SLC9C1: variants seen among roughly 807,000 people sequenced by gnomAD.
SLC9C1 encodes the protein solute carrier family 9 member C1, also known as sodium/hydrogen exchanger 10.
In SLC9C1, 97 loss-of-function variants were observed where a neutral mutation model predicts 140.9. That is an observed-to-expected ratio of 0.69 (90% CI 0.58 to 0.82). SLC9C1 has a LOEUF of 0.82. Ranked by LOEUF, SLC9C1 falls within the 40% of genes least tolerant of loss-of-function variation. The probability of loss-of-function intolerance (pLI) is 0.00; values close to 1 mark genes in which losing one functional copy is unlikely to be tolerated. For missense variants in SLC9C1, 1,340 were observed against 1,389.3 expected (o/e 0.96, Z 0.56); for synonymous variants, 440 against 442.6 (o/e 0.99, Z 0.07).
intron 20 of SLC9C1, among the ~76,000 whole-genome samples, chr3:112,186,825 A>G (rs2077549820): frequency 6.6e-6 from 1 of 152,212 alleles, no homozygotes. Context: ...AATAGTGACA[A>G]AGGCTCCAGC....
At chr3:112,196,291 G>A (rs1332639740) in intron 20 of SLC9C1, among the ~76,000 whole-genome samples, 4 of 151,762 alleles carry the variant, frequency 2.6e-5, no homozygotes, top group Admixed American at 1.3e-4. Context: ...TGTGTGTGAT[G>A]GATTGCTTCT....
chr3:112,290,719 A>G (rs778858337), intron 1 of SLC9C1, among the ~76,000 whole-genome samples: 18 of 151,976 alleles, frequency 1.2e-4, no homozygotes, highest in Non-Finnish European at 2.4e-4. Context: ...AACTTGCTTT[A>G]TGAATCTGGG....
chr3:112,194,096 T>C (rs939773391), intron 20 of SLC9C1, among the ~76,000 whole-genome samples: 1 of 151,912 alleles, frequency 6.6e-6, no homozygotes, highest in Non-Finnish European at 1.5e-5. Context: ...AGTAGATGGG[T>C]AGGGAGTGGG....
chr3:112,252,065 G>A (rs2079475425), intron 10 of SLC9C1, among the ~76,000 whole-genome samples: 3 of 152,094 alleles, frequency 2.0e-5, no homozygotes, highest in African/African-American at 2.4e-5. Context: ...GGGCTCTCCA[G>A]TCACCCTAGC....
At chr3:112,223,370 T>C (rs932000595) in intron 13 of SLC9C1, among the ~76,000 whole-genome samples, 1 of 152,096 alleles carries the variant, frequency 6.6e-6, no homozygotes, top group Non-Finnish European at 1.5e-5. Context: ...ATTCCAGCCA[T>C]GGGTACAAGG....
At chr3:112,208,153 CAT>C (rs753583770) in intron 16 of SLC9C1, 23 bp downstream of exon 16, 1 of 1,544,870 alleles carries the variant, frequency 6.5e-7, no homozygotes, top group Admixed American at 2.0e-5. Context: ...ATAACACTTC[CAT>C]ACACACATAA....
At chr3:112,212,125 A>G (rs1269268370) in intron 15 of SLC9C1, among the ~76,000 whole-genome samples, 1 of 152,216 alleles carries the variant, frequency 6.6e-6, no homozygotes, top group Non-Finnish European at 1.5e-5. Context: ...GCAAACTCCA[A>G]CAGACCTGCA....
chr3:112,229,127 C>G (rs907136958), intron 13 of SLC9C1, among the ~76,000 whole-genome samples: 2 of 151,962 alleles, frequency 1.3e-5, no homozygotes, highest in African/African-American at 4.8e-5. Flanking sequence ...TAAAAGTTGA[C>G]CTCATAGAAG....
In SLC9C1 at chr3:112,149,479, C is replaced by T. The variant is rs150976955; in HGVS notation, c.3524+2378G>A. 4.8e-3 allele frequency among the ~76,000 whole-genome samples: 726 copies of T among 152,122 alleles called. 5 individuals are homozygous for T. The highest frequency in any genetic ancestry group is 0.017 in the African/African-American group (689 of 41,476). ...TGGAGTAGAGAGAGCCCTGCTATAC[C>T]ATGATCTATGTGCAGAAAGGATGGG... On this transcript the variant is annotated intron_variant, in intron 28 of 28. Transcript: ENST00000305815.
rs936315117 is a variant in SLC9C1, at chr3:112,216,753, T to G, written c.1790+689A>C. ...GAAATAGGAACACATTTACACTGTT[T>G]GTGGGGCTGTAACCGAGTTCAACCA... On this transcript the variant is annotated intron_variant, in intron 15 of 28. Transcript: ENST00000305815. Among the ~76,000 whole-genome samples the G allele has an allele frequency of 3.0e-3, 459 of 152,276 alleles. 4 individuals are homozygous for G. The highest frequency in any genetic ancestry group is 0.011 in the African/African-American group (439 of 41,552).
At chr3:112,272,908 C>T (rs2080114935) in intron 6 of SLC9C1, among the ~76,000 whole-genome samples, 1 of 152,160 alleles carries the variant, frequency 6.6e-6, no homozygotes, top group African/African-American at 2.4e-5. Flanking sequence ...TGAACTTCCA[C>T]ATCAGAACCT....
In SLC9C1 at chr3:112,217,506, A is replaced by G; in HGVS notation, c.1726T>C (p.Phe576Leu). ...NYSESQKTVTFARKLLLNWVY... is the reference protein window; with the variant it reads ...NYSESQKTVTLARKLLLNWVY... ...CAATTAAGTAGTAGTTTTCTAGCAA[A>G]GGTAACTGTTTTTTGGCTTTCAGAA... is the stretch of plus-strand genomic sequence containing the variant. Residue 576 changes from phenylalanine (F) to leucine (L), a missense_variant, in exon 15 of 29, where the codon TTT (phenylalanine) becomes CTT (leucine). Transcript: ENST00000305815. The G allele has an allele frequency of 1.2e-6, 2 of 1,610,564 alleles. No individual in the cohort carries two copies. Among genetic ancestry groups the G allele is most frequent in the Non-Finnish European group, 1.7e-6 (2 of 1,178,850 alleles).
chr3:112,196,296 G>A (rs1039182718), intron 20 of SLC9C1, among the ~76,000 whole-genome samples: 1 of 151,828 alleles, frequency 6.6e-6, no homozygotes, highest in African/African-American at 2.4e-5. Flanking sequence ...GTGATGGATT[G>A]CTTCTCTCTT....
rs1480408920 is a variant in SLC9C1 at position 112,278,808 on chromosome 3, A to C, written c.239T>G (p.Phe80Cys). 3.7e-6 allele frequency: 6 copies of C among 1,611,418 alleles called. No homozygotes were observed. The African/African-American group carries it at 5.3e-5, about 14-fold the overall frequency. The change falls in exon 4 of 29, where the codon TTT (phenylalanine) becomes TGT (cysteine). Residue 80 changes from phenylalanine (F) to cysteine (C), a missense_variant. Physicochemically the swap from Phe to Cys is radical, Grantham distance 205 (BLOSUM62 -2). Transcript: ENST00000305815. ...GAAAACTACTGGTGTAAATATACGAAAAAATAAGTCTGGACTCATCCATTG... is the reference window on the plus strand; with the variant it reads ...GAAAACTACTGGTGTAAATATACGACAAAATAAGTCTGGACTCATCCATTG... The part of the protein sequence containing the change: ...AIQWMSPDLF[F>C]RIFTPVVFFT...
intron 26 of SLC9C1, among the ~76,000 whole-genome samples, chr3:112,157,472 T>G (rs2075158753): frequency 6.6e-6 from 1 of 152,146 alleles, no homozygotes; most frequent in Non-Finnish European, 1.5e-5. Context: ...GGTTTTGTTC[T>G]TTTTGCTCAA....
Position 112,239,931 on chromosome 3 carries a change from G to C in SLC9C1, c.1355C>G (p.Ser452Cys), listed in dbSNP as rs2079095697. 6.2e-7 allele frequency: 1 copy of C among 1,613,994 alleles called. No homozygotes were observed. Residue 452 changes from serine to cysteine, a missense_variant, in exon 12 of 29, where the codon TCT becomes TGT. Transcript: ENST00000305815. ...TFQHFQELTK[S>C]AASALKFDKD... ...GTCAAATTTAAGGGCAGAGGCTGCA[G>C]ACTTGGTTAGCTCTTGAAAGTGTTG... is the stretch of plus-strand genomic sequence containing the variant.
At chr3:112,147,488 G>C (rs1442545285) in intron 28 of SLC9C1, 1 of 419,124 alleles carries the variant, frequency 2.4e-6, no homozygotes, top group South Asian at 1.7e-5. Context: ...TCATGGTAAT[G>C]AATTCCCTTA....
intron 15 of SLC9C1, among the ~76,000 whole-genome samples, chr3:112,213,876 A>G (rs1413581183): frequency 6.6e-6 from 1 of 152,092 alleles, no homozygotes; most frequent in Admixed American, 6.6e-5. Flanking sequence ...CATCTACAGA[A>G]CTCTCCACCC....
At chr3:112,250,744 C>A (rs1336687724) in intron 10 of SLC9C1, among the ~76,000 whole-genome samples, 3 of 152,102 alleles carry the variant, frequency 2.0e-5, no homozygotes, top group Non-Finnish European at 2.9e-5. Context: ...CAAGAAATAA[C>A]CGGTGCTGGC....
Sources: gnomAD v4.1 joint callset for allele counts (sites outside exome capture counted in the v4.1 genomes callset) on GRCh38, gnomAD v4.1.1 for gene constraint, MANE v1.5 for transcripts, NCBI Gene and HGNC (gene_info 2026-07-23, HGNC 2026-07-21) for gene names.